Variants in SHISA6 observed in about 807,000 individuals in gnomAD.
The protein encoded by SHISA6 is shisa family member 6, also known as protein shisa-6.
SHISA6 carries 22 observed loss-of-function variants against 47.9 expected under a neutral mutation model. That is an observed-to-expected ratio of 0.46 (90% confidence interval 0.33 to 0.66). The LOEUF (loss-of-function observed/expected upper bound fraction) is 0.66, where lower values mean the gene tolerates loss of function less well. Ranked by LOEUF, SHISA6 falls within the 30% of genes least tolerant of loss-of-function variation. SHISA6 has a pLI of 0.02. For synonymous variants in SHISA6, 388 were observed against 337.8 expected, an observed-to-expected ratio of 1.15 and a Z score of -1.63; for missense variants, 680 against 764.6, an observed-to-expected ratio of 0.89 and a Z score of 1.30.
intron 3 of SHISA6, among the ~76,000 whole-genome samples, chr17:11,443,605 A>G (rs1315800925): frequency 6.6e-6 from 1 of 152,180 alleles, no homozygotes; most frequent in Non-Finnish European, 1.5e-5. Flanking sequence ...TGAAAACTAG[A>G]CATAATAATA....
At chr17:11,406,397 G>T (rs561726560) in intron 3 of SHISA6, among the ~76,000 whole-genome samples, 1 of 152,128 alleles carries the variant, frequency 6.6e-6, no homozygotes, top group Non-Finnish European at 1.5e-5. Context: ...GTCTTAACTC[G>T]CCAGTCCTCA....
chr17:11,263,812 TC>T (rs1283398695), intron 2 of SHISA6, among the ~76,000 whole-genome samples: 1 of 152,132 alleles, frequency 6.6e-6, no homozygotes, highest in Non-Finnish European at 1.5e-5. Context: ...GCTTGCAGCA[TC>T]CATAGCAGGG....
At chr17:11,459,260 T>A (rs939394987) in intron 3 of SHISA6, among the ~76,000 whole-genome samples, 14 of 151,972 alleles carry the variant, frequency 9.2e-5, no homozygotes, top group Non-Finnish European at 1.9e-4. Context: ...CAAGACTAAT[T>A]TCAAATATCT....
At chr17:11,368,695 C>A (rs1018803357) in intron 2 of SHISA6, among the ~76,000 whole-genome samples, 1 of 152,074 alleles carries the variant, frequency 6.6e-6, no homozygotes, top group East Asian at 1.9e-4. Flanking sequence ...CTTGCTCTGT[C>A]GCCCAGGCTG....
intron 3 of SHISA6, among the ~76,000 whole-genome samples, chr17:11,400,565 C>G (rs1259688349): frequency 6.6e-6 from 1 of 152,140 alleles, no homozygotes; most frequent in African/African-American, 2.4e-5. Flanking sequence ...CACTGGAATC[C>G]CTGCCTCCAC....
chr17:11,380,346 T>C (rs570287194), intron 3 of SHISA6: 2 of 152,370 alleles, frequency 1.3e-5, no homozygotes, highest in Admixed American at 1.3e-4. Context: ...TCCATGCACC[T>C]ACTTTTTAAA....
chr17:11,316,033 C>T (rs1910500426), intron 2 of SHISA6, among the ~76,000 whole-genome samples: 1 of 152,104 alleles, frequency 6.6e-6, no homozygotes, highest in Non-Finnish European at 1.5e-5. Flanking sequence ...AGGAAAGTCA[C>T]TCTTTGCCTA....
chr17:11,300,669 C>CT (rs201580011), intron 2 of SHISA6, among the ~76,000 whole-genome samples: 397 of 136,218 alleles, frequency 2.9e-3, no homozygotes, highest in Admixed American at 5.3e-3. Context: ...TTTTCTTTTT[C>CT]TTTTTTTTTT....
chr17:11,409,918 T>G (rs1914070131), intron 3 of SHISA6, among the ~76,000 whole-genome samples: 1 of 152,126 alleles, frequency 6.6e-6, no homozygotes, highest in African/African-American at 2.4e-5. Context: ...ACATGCATCT[T>G]TGGTCATTTT....
intron 3 of SHISA6, among the ~76,000 whole-genome samples, chr17:11,462,758 G>A (rs1915722839): frequency 6.6e-6 from 1 of 152,138 alleles, no homozygotes; most frequent in Non-Finnish European, 1.5e-5. Flanking sequence ...CTCCTGAGTA[G>A]CTGGGATTAC....
intron 1 of SHISA6, among the ~76,000 whole-genome samples, chr17:11,247,472 C>T (rs1907635756): frequency 3.3e-5 from 5 of 152,172 alleles, no homozygotes; most frequent in Admixed American, 3.3e-4. Context: ...CCCATTCAAA[C>T]ACCTGTACCA....
At chr17:11,552,101 G>C in intron 4 of SHISA6, 149 bp downstream of exon 4, 1 of 742,828 alleles carries the variant, frequency 1.3e-6, no homozygotes, top group South Asian at 1.8e-5. Flanking sequence ...CCCTCCTCCA[G>C]GGCCACAATG....
At chr17:11,512,705 T>A (rs536862267) in intron 3 of SHISA6, among the ~76,000 whole-genome samples, 1 of 152,274 alleles carries the variant, frequency 6.6e-6, no homozygotes, top group East Asian at 1.9e-4. Context: ...CCATTTATTA[T>A]ATATCCTTCT....
intron 3 of SHISA6, among the ~76,000 whole-genome samples, chr17:11,526,194 T>C (rs1444285209): frequency 6.6e-6 from 1 of 152,142 alleles, no homozygotes; most frequent in Non-Finnish European, 1.5e-5. Flanking sequence ...ATTCCTTTTC[T>C]AAAGTTCTCT....
chr17:11,313,288 T>G (rs540365067), intron 2 of SHISA6, among the ~76,000 whole-genome samples: 175 of 152,260 alleles, frequency 1.1e-3, no homozygotes, highest in Middle Eastern at 3.4e-3. Flanking sequence ...GTTGTTTAGT[T>G]TGCTTTTCTT....
intron 3 of SHISA6, among the ~76,000 whole-genome samples, chr17:11,456,472 T>C (rs1915536845): frequency 6.6e-6 from 1 of 152,242 alleles, no homozygotes; most frequent in African/African-American, 2.4e-5. Context: ...AGTTCTAGCC[T>C]GGATTCTGCC....
At chr17:11,401,846 C>T (rs917998304) in intron 3 of SHISA6, among the ~76,000 whole-genome samples, 13 of 152,178 alleles carry the variant, frequency 8.5e-5, no homozygotes, top group Admixed American at 8.5e-4. Flanking sequence ...GCTGTAGTCT[C>T]TACATCAGGT....
chr17:11,515,313 A>AAAGGAAGGAAGGAAGGAAGGAAGGAAGG (rs200856515), intron 3 of SHISA6, among the ~76,000 whole-genome samples: 2 of 130,890 alleles, frequency 1.5e-5, no homozygotes, highest in Non-Finnish European at 3.2e-5. Flanking sequence ...GAAGAAAGAA[A>AAAGGAAGGAAGGAAGGAAGGAAGGAAGG]AAGGAAGGAA....
chr17:11,324,945 C>T (rs1049776929), intron 2 of SHISA6, among the ~76,000 whole-genome samples: 1 of 152,134 alleles, frequency 6.6e-6, no homozygotes. Flanking sequence ...GCCCTCCCCA[C>T]CTCATTGGTT....
Sources: gnomAD v4.1 joint callset for allele counts (sites outside exome capture counted in the v4.1 genomes callset) on GRCh38, gnomAD v4.1.1 for gene constraint, MANE v1.5 for transcripts, NCBI Gene and HGNC (gene_info 2026-07-23, HGNC 2026-07-21) for gene names.